The following CLDN2 variants were observed in gnomAD, a reference collection of about 807,000 sequenced individuals.
CLDN2 encodes the protein claudin-2.
CLDN2 carries 1 observed loss-of-function variant against 8.2 expected under a neutral mutation model. The ratio of observed to expected loss-of-function variants is 0.12; its 90% confidence interval spans 0.04 to 0.58. The LOEUF is 0.58. CLDN2 is among the 20% of genes least tolerant of loss of function. The pLI is 0.90. For missense variants in CLDN2, 108 were observed against 172.9 expected, an observed-to-expected ratio of 0.62 and a Z score of 2.11; for synonymous variants, 70 against 70.2, an observed-to-expected ratio of 1.00 and a Z score of 0.01.
intron 1 of CLDN2, among the ~76,000 whole-genome samples, chrX:106,924,365 AG>A (rs1373790411): frequency 9.0e-6 from 1 of 111,158 alleles, no homozygotes; most frequent in African/African-American, 3.3e-5. Context: ...GAGAAGTAGA[AG>A]GATTTCCAAG....
chrX:106,913,594 C>T (rs1933272947), upstream of CLDN2, among the ~76,000 whole-genome samples: 1 of 112,224 alleles, frequency 8.9e-6, no homozygotes, highest in Non-Finnish European at 1.9e-5. Context: ...TAGTACGATG[C>T]CCATTTATCA....
upstream of CLDN2, among the ~76,000 whole-genome samples, chrX:106,919,165 G>A (rs192170045): frequency 5.4e-5 from 6 of 112,094 alleles, no homozygotes; most frequent in East Asian, 1.4e-3. Flanking sequence ...TACAAATGAT[G>A]TAAGGTTACA....
chrX:106,908,278 A>C (rs1046964009), intron 1 of CLDN2, among the ~76,000 whole-genome samples: 3 of 111,931 alleles, frequency 2.7e-5, no homozygotes, highest in Non-Finnish European at 5.6e-5. Flanking sequence ...TTTTTCTAAA[A>C]CACATAGCCA....
chrX:106,908,692 G>A (rs762010151), intron 1 of CLDN2, among the ~76,000 whole-genome samples: 9 of 107,791 alleles, frequency 8.3e-5, no homozygotes, highest in East Asian at 2.9e-4. Flanking sequence ...AGGCTCAAGC[G>A]ATCCTTCCAC....
intron 1 of CLDN2, among the ~76,000 whole-genome samples, chrX:106,912,665 C>T (rs184682328): frequency 4.0e-4 from 44 of 110,582 alleles, no homozygotes; most frequent in African/African-American, 1.3e-3. Flanking sequence ...TTCCACCTGC[C>T]TCAGCCTCCC....
At chrX:106,923,818 G>T (rs1933428657) in intron 1 of CLDN2, among the ~76,000 whole-genome samples, 1 of 111,464 alleles carries the variant, frequency 9.0e-6, no homozygotes, top group African/African-American at 3.3e-5. Context: ...GGAGTCACTG[G>T]CATGGAGACA....
intron 1 of CLDN2, among the ~76,000 whole-genome samples, chrX:106,911,129 G>A (rs916475572): frequency 8.9e-6 from 1 of 111,760 alleles, no homozygotes; most frequent in Non-Finnish European, 1.9e-5. Context: ...TTACCATGCA[G>A]GTGATGTTGG....
chrX:106,905,756 A>G lies in CLDN2; in HGVS notation c.-179+5252A>G, dbSNP rs771689892. Among the ~76,000 whole-genome samples the G allele has an allele frequency of 8.8e-4, 98 of 110,888 alleles. 1 individual carries two copies. Among genetic ancestry groups the G allele is most frequent in the African/African-American group, 3.1e-3 (94 of 30,455 alleles). ...CGGGGCTCATGCCTGACCAGACTCA[A>G]CCATGCCACCCATCATGCCACCTCC... is the stretch of plus-strand genomic sequence containing the variant. On this transcript the variant is annotated intron_variant, in intron 1 of 1. Coordinates refer to the CLDN2 transcript ENST00000541806.
intron 1 of CLDN2, among the ~76,000 whole-genome samples, chrX:106,911,296 A>C (rs1235865652): frequency 8.9e-6 from 1 of 111,901 alleles, no homozygotes; most frequent in Non-Finnish European, 1.9e-5. Flanking sequence ...ACTGGGCCAG[A>C]TTTGGCTTCC....
chrX:106,925,069 A>C (rs2147794284), intron 1 of CLDN2, among the ~76,000 whole-genome samples: 1 of 111,552 alleles, frequency 9.0e-6, no homozygotes, highest in East Asian at 2.8e-4. Context: ...ATAGGGAAGA[A>C]TGAGGGTTTA....
chrX:106,922,542 G>T (rs965060627), intron 1 of CLDN2, among the ~76,000 whole-genome samples: 4 of 112,347 alleles, frequency 3.6e-5, no homozygotes, highest in African/African-American at 1.3e-4. Flanking sequence ...GCTCCTCTGG[G>T]AAGCAGTAGG....
upstream of CLDN2, among the ~76,000 whole-genome samples, chrX:106,919,919 C>T (rs1933366686): frequency 8.9e-6 from 1 of 112,516 alleles, no homozygotes; most frequent in South Asian, 3.7e-4. Context: ...AGAGTCTGAA[C>T]CTACAGTACC....
At chrX:106,907,602 G>A (rs1176915860) in intron 1 of CLDN2, among the ~76,000 whole-genome samples, 1 of 109,685 alleles carries the variant, frequency 9.1e-6, no homozygotes, top group African/African-American at 3.3e-5. Flanking sequence ...TCAGGAGGCT[G>A]AGTCAGGAGA....
chrX:106,907,237 A>C (rs946351387), intron 1 of CLDN2, among the ~76,000 whole-genome samples: 2 of 111,455 alleles, frequency 1.8e-5, no homozygotes, highest in African/African-American at 6.5e-5. Context: ...TGCCTCTGGA[A>C]CCATTCCTCA....
At chrX:106,901,652 T>A (rs905639182) in intron 1 of CLDN2, 27 of 742,458 alleles carry the variant, frequency 3.6e-5, no homozygotes, top group Admixed American at 5.5e-5. Context: ...ACCTTAGACA[T>A]CTCTGGGACC....
chrX:106,914,582 A>T (rs1234398983), upstream of CLDN2, among the ~76,000 whole-genome samples: 1 of 111,583 alleles, frequency 9.0e-6, no homozygotes, highest in African/African-American at 3.3e-5. Flanking sequence ...CATTAAAGAG[A>T]TTTGCAAATA....
rs149607136 is a variant in CLDN2, at chrX:106,928,843, A to C, written c.615A>C (p.Thr205=). The C allele has an allele frequency of 2.6e-5, 32 of 1,211,649 alleles. No individual in the cohort carries two copies. Among genetic ancestry groups the C allele is most frequent in the Non-Finnish European group, 3.6e-5 (32 of 895,450 alleles). Residue 205 remains threonine, a synonymous_variant, in exon 2 of 2, where the codon ACA becomes ACC. Transcript: ENST00000336803. ...YDAYQAQPLA[T]RSSPRPGQPP... ...CCTACCAAGCCCAACCTCTTGCCAC[A>C]AGGAGCTCTCCAAGGCCTGGTCAAC...
intron 1 of CLDN2, among the ~76,000 whole-genome samples, chrX:106,905,511 C>T (rs1177961343): frequency 1.8e-5 from 2 of 111,626 alleles, no homozygotes; most frequent in African/African-American, 6.5e-5. Flanking sequence ...ATGAGCTAAG[C>T]GTTTCCTTGT....
chrX:106,927,009 G>A (rs1602462539), intron 1 of CLDN2, among the ~76,000 whole-genome samples: 1 of 110,718 alleles, frequency 9.0e-6, no homozygotes, highest in East Asian at 2.9e-4. Context: ...CTTGAGCCCA[G>A]GAGGTCGAGG....
Sources: allele counts gnomAD v4.1 joint callset (sites outside exome capture counted in the v4.1 genomes callset), GRCh38; gene constraint gnomAD v4.1.1; transcripts MANE v1.5; gene names NCBI Gene and HGNC (gene_info 2026-07-23, HGNC 2026-07-21).